The following ECD variants were observed in gnomAD, a reference collection of about 807,000 sequenced individuals.
ECD encodes the protein protein ecdysoneless homolog.
ECD carries 59 observed loss-of-function variants against 77.2 expected under a neutral mutation model. The observed-to-expected ratio is 0.76, with a 90% CI of 0.62 to 0.95. ECD has a LOEUF of 0.95. Among genes scored for constraint, ECD ranks in the 40% least tolerant of loss-of-function variants. The probability of loss-of-function intolerance (pLI) is 0.00; values close to 1 mark genes in which losing one functional copy is unlikely to be tolerated. For synonymous variants in ECD, 233 were observed against 267.4 expected (o/e 0.87, Z 1.26); for missense variants, 704 against 763.4 (o/e 0.92, Z 0.92).
At chr10:73,155,811 C>T (rs1431707326) in intron 5 of ECD, among the ~76,000 whole-genome samples, 5 of 151,794 alleles carry the variant, frequency 3.3e-5, no homozygotes, top group African/African-American at 1.2e-4. Context: ...ACTATGTTGG[C>T]CAGGCTGGTC....
chr10:73,139,290 A>T lies in ECD; in HGVS notation c.1421+19T>A. Reference sequence around the variant, plus strand: ...TTGGGTTCTAGCTATTTATATATTTATACTTTAACACAAATTACCGAGGCA... The same window carrying T: ...TTGGGTTCTAGCTATTTATATATTTTTACTTTAACACAAATTACCGAGGCA... On this transcript the variant is annotated intron_variant, in intron 11 of 13. Coordinates refer to ENST00000372979, the MANE Select transcript of ECD (RefSeq NM_007265.3). 6 of 1,583,584 alleles carry T rather than the reference A, an allele frequency of 3.8e-6. No individual in the cohort carries two copies. Among genetic ancestry groups the T allele is most frequent in the Non-Finnish European group, 5.1e-6 (6 of 1,170,356 alleles).
At position 73,154,387 on chromosome 10, in the gene ECD, C is replaced by G. The variant is rs1843268390; in HGVS notation, c.652G>C (p.Val218Leu). The change falls in exon 6 of 14, where the codon GTG becomes CTG. Residue 218 changes from valine to leucine, a missense_variant. By Grantham distance (32) the Val-to-Leu change is conservative (BLOSUM62 1). Coordinates refer to ENST00000372979, the MANE Select transcript of ECD (RefSeq NM_007265.3). ...CTGGGGCGCTGCTTTAGCACTGCCA[C>G]AATGCCAGCTGGAAGGAAGCAGTGT... ...RAHCFLPAGI[V>L]AVLKQRPRLV... The G allele has an allele frequency of 2.8e-5, 45 of 1,613,884 alleles. No homozygotes were observed. Among genetic ancestry groups the G allele is most frequent in the Non-Finnish European group, 3.8e-5 (45 of 1,180,008 alleles).
intron 8 of ECD, 143 bp downstream of exon 8, chr10:73,148,132 AG>A: frequency 2.1e-6 from 2 of 944,226 alleles, no homozygotes; most frequent in African/African-American, 3.3e-5. Context: ...TTAGCACCTG[AG>A]TACCACTGAA....
intron 1 of ECD, among the ~76,000 whole-genome samples, chr10:73,166,922 C>T (rs1365100653): frequency 2.6e-5 from 4 of 152,108 alleles, no homozygotes; most frequent in Admixed American, 6.6e-5. Flanking sequence ...CCAATATTTC[C>T]TTTTAGTAGT....
chr10:73,147,550 CAA>C (rs879860653), intron 8 of ECD, among the ~76,000 whole-genome samples: 4 of 136,990 alleles, frequency 2.9e-5, no homozygotes, highest in Admixed American at 7.4e-5. Flanking sequence ...AACTCCATCT[CAA>C]AAAAAAAAAA....
chr10:73,143,956 T>C (rs1843092494), intron 9 of ECD, among the ~76,000 whole-genome samples: 1 of 152,018 alleles, frequency 6.6e-6, no homozygotes, highest in South Asian at 2.1e-4. Flanking sequence ...TGGCAATGTC[T>C]GGAGACATTT....
chr10:73,145,135 G>A (rs1203935710), intron 9 of ECD, among the ~76,000 whole-genome samples: 1 of 152,138 alleles, frequency 6.6e-6, no homozygotes, highest in Non-Finnish European at 1.5e-5. Flanking sequence ...AGGCCAAGGT[G>A]GGTGGATCAC....
intron 7 of ECD, among the ~76,000 whole-genome samples, chr10:73,149,757 T>C (rs1040853820): frequency 6.6e-6 from 1 of 152,160 alleles, no homozygotes; most frequent in Admixed American, 6.5e-5. Context: ...TCAAGGAACA[T>C]CTGTTTTGCC....
chr10:73,160,322 G>T, intron 3 of ECD, 112 bp downstream of exon 3: 16 of 632,660 alleles, frequency 2.5e-5, no homozygotes, highest in East Asian at 3.6e-5. Context: ...ATTAAAATCT[G>T]TACAATTTCC....
At chr10:73,151,575 T>C (rs1843207786) in intron 7 of ECD, among the ~76,000 whole-genome samples, 1 of 151,962 alleles carries the variant, frequency 6.6e-6, no homozygotes, top group Non-Finnish European at 1.5e-5. Flanking sequence ...GTCTAGATTG[T>C]AACATTTTTG....
chr10:73,154,569 G>A, intron 5 of ECD, 121 bp from the exon 6 acceptor site: 7 of 939,038 alleles, frequency 7.5e-6, no homozygotes, highest in African/African-American at 1.7e-5. Flanking sequence ...AGAGTGACAA[G>A]AGAGATGAAA....
At chr10:73,155,594 C>CTTTT (rs537974204) in intron 5 of ECD, among the ~76,000 whole-genome samples, 2 of 124,816 alleles carry the variant, frequency 1.6e-5, no homozygotes, top group African/African-American at 3.0e-5. Context: ...TAGGTTTCTA[C>CTTTT]TTTTTTTTTT....
At chr10:73,157,722 C>CAA (rs199864779) in intron 3 of ECD, among the ~76,000 whole-genome samples, 93 of 140,746 alleles carry the variant, frequency 6.6e-4, no homozygotes, top group African/African-American at 2.2e-3. Context: ...AACTCCATCT[C>CAA]AAAAAAAAAA....
chr10:73,138,200 G>A, intron 11 of ECD, 130 bp from the exon 12 acceptor site: 1 of 642,148 alleles, frequency 1.6e-6, no homozygotes, highest in South Asian at 3.5e-5. Context: ...AAGAAAAGTT[G>A]TAGTTTAAGT....
intron 1 of ECD, among the ~76,000 whole-genome samples, chr10:73,165,409 T>C (rs1429145228): frequency 6.6e-6 from 1 of 151,926 alleles, no homozygotes; most frequent in Non-Finnish European, 1.5e-5. Flanking sequence ...TGGAGTGCAG[T>C]GGAGTGATCG....
At chr10:73,155,149 T>C (rs1435419732) in intron 5 of ECD, among the ~76,000 whole-genome samples, 2 of 151,920 alleles carry the variant, frequency 1.3e-5, no homozygotes, top group East Asian at 3.9e-4. Context: ...CCCTGCAACC[T>C]CCACCTCCCA....
At chr10:73,156,928 G>A (rs1410545333) in intron 3 of ECD, among the ~76,000 whole-genome samples, 4 of 151,944 alleles carry the variant, frequency 2.6e-5, no homozygotes, top group African/African-American at 4.8e-5. Flanking sequence ...GAAAATATAC[G>A]AAAGTACTAT....
chr10:73,163,442 A>G (rs1291251943), intron 2 of ECD, among the ~76,000 whole-genome samples: 1 of 152,240 alleles, frequency 6.6e-6, no homozygotes, highest in Non-Finnish European at 1.5e-5. Context: ...ATAGATACTT[A>G]GATACATTAT....
At chr10:73,143,459 C>T in intron 9 of ECD, among the ~76,000 whole-genome samples, 1 of 152,218 alleles carries the variant, frequency 6.6e-6, no homozygotes, top group South Asian at 2.1e-4. Context: ...AGCCACTGCG[C>T]CCAGCCTGTA....
Sources: gnomAD v4.1 joint callset for allele counts (sites outside exome capture counted in the v4.1 genomes callset) on GRCh38, gnomAD v4.1.1 for gene constraint, MANE v1.5 for transcripts, NCBI Gene and HGNC (gene_info 2026-07-23, HGNC 2026-07-21) for gene names.